FOXN3: variants seen among roughly 807,000 people sequenced by gnomAD.
FOXN3 encodes the protein forkhead box protein N3.
A neutral mutation model predicts 38.4 loss-of-function variants in FOXN3; 7 were observed. That is an observed-to-expected ratio of 0.18 (90% CI 0.10 to 0.34). The LOEUF is 0.34. FOXN3 is among the 10% of genes least tolerant of loss of function. The pLI is 1.00. For missense variants in FOXN3, 456 were observed against 613.4 expected (o/e 0.74, Z 2.71); for synonymous variants, 230 against 242.2 (o/e 0.95, Z 0.47).
chr14:89,341,833 C>A (rs1371681683), intron 3 of FOXN3, among the ~76,000 whole-genome samples: 5 of 152,136 alleles, frequency 3.3e-5, no homozygotes, highest in Non-Finnish European at 5.9e-5. Context: ...GACAAATATG[C>A]AGAATGCAGG....
intron 1 of FOXN3, among the ~76,000 whole-genome samples, chr14:89,529,896 A>T (rs1258884748): frequency 1.3e-5 from 2 of 151,738 alleles, no homozygotes; most frequent in Admixed American, 6.6e-5. Flanking sequence ...TAACTGTATT[A>T]GTTAGTTCTC....
intron 1 of FOXN3, among the ~76,000 whole-genome samples, chr14:89,415,549 G>A (rs762053592): frequency 7.6e-6 from 1 of 131,122 alleles, no homozygotes; most frequent in Non-Finnish European, 1.6e-5. Flanking sequence ...CCAACAGGGT[G>A]AAGAGCTGCT....
chr14:89,577,455 C>T (rs1194988423), intron 1 of FOXN3: 1 of 152,158 alleles, frequency 6.6e-6, no homozygotes, highest in Non-Finnish European at 1.5e-5. Flanking sequence ...AGGAGTGATT[C>T]CTCCAATGGC....
chr14:89,205,735 G>GA (rs1343865149), intron 4 of FOXN3, among the ~76,000 whole-genome samples: 1 of 152,232 alleles, frequency 6.6e-6, no homozygotes, highest in Admixed American at 6.5e-5. Flanking sequence ...TGGCAAAACT[G>GA]AAAGAGCGCC....
intron 3 of FOXN3, among the ~76,000 whole-genome samples, chr14:89,306,242 T>C (rs1887365636): frequency 6.6e-6 from 1 of 152,126 alleles, no homozygotes; most frequent in African/African-American, 2.4e-5. Flanking sequence ...GGAGTTCTAA[T>C]GTCTAGAGAC....
At chr14:89,293,724 G>C (rs1247756278) in intron 3 of FOXN3, among the ~76,000 whole-genome samples, 1 of 152,146 alleles carries the variant, frequency 6.6e-6, no homozygotes, top group Non-Finnish European at 1.5e-5. Flanking sequence ...CTGGGAGTTA[G>C]GACATCAACA....
chr14:89,177,009 C>CTTTTTTTTT (rs34575638), intron 5 of FOXN3, among the ~76,000 whole-genome samples: 1 of 114,220 alleles, frequency 8.8e-6, no homozygotes. Context: ...CTCTTTCTTT[C>CTTTTTTTTT]TTTTTTTTTT....
intron 1 of FOXN3, among the ~76,000 whole-genome samples, chr14:89,574,877 TA>T (rs112313865): frequency 0.055 from 8,224 of 150,688 alleles, 500 homozygotes; most frequent in African/African-American, 0.13. Context: ...TTTACAGCTT[TA>T]AAAAAAAAAT....
chr14:89,416,692 G>A (rs985762234), intron 1 of FOXN3, among the ~76,000 whole-genome samples, 179 bp downstream of exon 1: 3 of 152,120 alleles, frequency 2.0e-5, no homozygotes, highest in Non-Finnish European at 4.4e-5. Flanking sequence ...CTTCGGACCC[G>A]GCAACTTCCC....
At chr14:89,189,554 G>A (rs567849300) in intron 4 of FOXN3, among the ~76,000 whole-genome samples, 6 of 152,242 alleles carry the variant, frequency 3.9e-5, no homozygotes, top group Non-Finnish European at 8.8e-5. Context: ...CTGTCTGTGT[G>A]TTCAACAGGG....
At chr14:89,303,718 AG>A (rs1157007588) in intron 3 of FOXN3, among the ~76,000 whole-genome samples, 4 of 152,210 alleles carry the variant, frequency 2.6e-5, no homozygotes, top group Non-Finnish European at 5.9e-5. Context: ...AGAAAAGAAA[AG>A]GAAAACTGAA....
chr14:89,551,444 C>G (rs1033652942), intron 1 of FOXN3, among the ~76,000 whole-genome samples: 2 of 152,196 alleles, frequency 1.3e-5, no homozygotes, highest in African/African-American at 2.4e-5. Context: ...TAACACTTCT[C>G]CTTCCTCCCA....
chr14:89,384,431 G>A (rs992090676), intron 2 of FOXN3, among the ~76,000 whole-genome samples: 1 of 152,146 alleles, frequency 6.6e-6, no homozygotes. Flanking sequence ...CTTCTAATAC[G>A]TACCAGGAAC....
chr14:89,482,295 A>G (rs1893348159), intron 1 of FOXN3, among the ~76,000 whole-genome samples: 1 of 152,174 alleles, frequency 6.6e-6, no homozygotes, highest in South Asian at 2.1e-4. Flanking sequence ...GTCCTGACCA[A>G]TGGCCTGTCA....
chr14:89,205,619 G>GGA (rs1888362262), intron 4 of FOXN3, among the ~76,000 whole-genome samples: 1 of 152,242 alleles, frequency 6.6e-6, no homozygotes, highest in Non-Finnish European at 1.5e-5. Context: ...GGTGGTTGGA[G>GGA]GAGAGTCTGC....
chr14:89,363,974 AT>A (rs1235578847), intron 2 of FOXN3, among the ~76,000 whole-genome samples: 35 of 69,128 alleles, frequency 5.1e-4, no homozygotes, highest in East Asian at 2.6e-3. Flanking sequence ...ATATATATAT[AT>A]ATATATATAT....
chr14:89,525,770 CTA>C (rs146875149), intron 1 of FOXN3, among the ~76,000 whole-genome samples: 1,631 of 152,220 alleles, frequency 0.011, 20 homozygotes, highest in African/African-American at 0.037. Flanking sequence ...CTGCTTTATT[CTA>C]TGAGTCCAGG....
In FOXN3 at chr14:89,325,280, ACACCAACAC is replaced by A. The variant is rs1301770472; in HGVS notation, c.680+25383_680+25391del. Among the ~76,000 whole-genome samples the A allele has an allele frequency of 2.1e-3, 179 of 84,714 alleles. 2 individuals are homozygous for A. Among genetic ancestry groups the A allele is most frequent in the African/African-American group, 7.1e-3 (169 of 23,928 alleles). 55.6% of individuals were successfully genotyped at this position (84,714 alleles called of 152,430 possible). A position where few individuals can be genotyped will look rare whatever the true frequency, so the allele number is the denominator to read the frequency against. The stretch of plus-strand genomic sequence containing the variant: ...ACCACCACCACCATCACCAACACCA[ACACCAACAC>A]CACCAACACCAACACCACCACCACG... On this transcript the variant is annotated intron_variant, in intron 3 of 5. Coordinates refer to ENST00000557258, the MANE Select transcript of FOXN3 (RefSeq NM_005197.4).
intron 3 of FOXN3, among the ~76,000 whole-genome samples, chr14:89,333,576 A>G (rs1033062407): frequency 6.4e-4 from 98 of 152,036 alleles, no homozygotes; most frequent in African/African-American, 2.3e-3. Flanking sequence ...CCTGGCCAAC[A>G]TGGTGAAACC....
Sources: gnomAD v4.1 joint callset for allele counts (sites outside exome capture counted in the v4.1 genomes callset) on GRCh38, gnomAD v4.1.1 for gene constraint, MANE v1.5 for transcripts, NCBI Gene and HGNC (gene_info 2026-07-23, HGNC 2026-07-21) for gene names.